The following TRIO variants were observed in gnomAD, a reference collection of about 807,000 sequenced individuals.
The protein encoded by TRIO is triple functional domain protein.
Under a neutral mutation model 351.9 loss-of-function variants are expected in TRIO, and 58 were observed. The observed-to-expected ratio is 0.16, with a 90% CI of 0.13 to 0.21. TRIO has a LOEUF of 0.21. Ranked by LOEUF, TRIO falls within the 10% of genes least tolerant of loss-of-function variation. The pLI is 1.00. For missense variants in TRIO, 3,201 were observed against 4,027.8 expected (o/e 0.79, Z 5.56); for synonymous variants, 1,758 against 1,595.7 (o/e 1.10, Z -2.42).
At chr5:14,480,433 A>G (rs897090124) in intron 43 of TRIO, among the ~76,000 whole-genome samples, 4 of 152,056 alleles carry the variant, frequency 2.6e-5, no homozygotes, top group African/African-American at 9.7e-5. Flanking sequence ...AATGCTAATG[A>G]TTTTTCTTCT....
At chr5:14,318,930 C>A (rs539398993) in intron 9 of TRIO, among the ~76,000 whole-genome samples, 1 of 152,290 alleles carries the variant, frequency 6.6e-6, no homozygotes, top group South Asian at 2.1e-4. Context: ...CCTTTCCCCC[C>A]ACACCCCATT....
intron 20 of TRIO, among the ~76,000 whole-genome samples, chr5:14,380,905 G>A (rs1746045564): frequency 6.6e-6 from 1 of 152,148 alleles, no homozygotes; most frequent in Non-Finnish European, 1.5e-5. Flanking sequence ...TTATTGTTGC[G>A]ACATAAGTGA....
At chr5:14,412,205 C>T (rs1221105388) in intron 33 of TRIO, among the ~76,000 whole-genome samples, 1 of 152,120 alleles carries the variant, frequency 6.6e-6, no homozygotes, top group Non-Finnish European at 1.5e-5. Flanking sequence ...CCAGGCTGGT[C>T]TCGAACTCCT....
intron 1 of TRIO, among the ~76,000 whole-genome samples, chr5:14,208,077 T>A (rs900350000): frequency 3.9e-5 from 6 of 152,238 alleles, no homozygotes; most frequent in African/African-American, 1.4e-4. Flanking sequence ...GGTTGTACAG[T>A]CAGTTTGGAA....
At chr5:14,288,958 G>C (rs941147250) in intron 4 of TRIO, among the ~76,000 whole-genome samples, 1 of 152,096 alleles carries the variant, frequency 6.6e-6, no homozygotes, top group African/African-American at 2.4e-5. Context: ...ATTTCTTGCC[G>C]AGGCCAGGCA....
rs1352351526 is a variant in TRIO at position 14,388,649 on chromosome 5, T to A, written c.3918T>A (p.Ala1306=). The A allele has an allele frequency of 1.9e-6, 3 of 1,613,812 alleles. No homozygotes were observed. Among genetic ancestry groups the A allele is most frequent in the African/African-American group, 1.3e-5 (1 of 74,966 alleles). Residue 1306 remains alanine, a synonymous_variant, in exon 24 of 57, where the codon GCT becomes GCA. Transcript: ENST00000344204. ...IMAELIQTEK[A]YVRDLRECMD... ...CTGAGCTCATTCAAACTGAAAAGGC[T>A]TATGTAAGAGACCTCCGGGAATGTA... is the stretch of plus-strand genomic sequence containing the variant.
chr5:14,481,189 G>C, intron 43 of TRIO, 45 bp from the exon 44 acceptor site: 1 of 1,578,966 alleles, frequency 6.3e-7, no homozygotes, highest in South Asian at 1.2e-5. Context: ...GTCAGCTGCT[G>C]TTGTCTTTGT....
intron 9 of TRIO, among the ~76,000 whole-genome samples, chr5:14,329,496 C>A (rs1258106045): frequency 6.6e-6 from 1 of 152,192 alleles, no homozygotes; most frequent in African/African-American, 2.4e-5. Flanking sequence ...TCACCAGTCA[C>A]TGAGTCTCCT....
chr5:14,300,208 A>T, intron 7 of TRIO, among the ~76,000 whole-genome samples: 1 of 152,232 alleles, frequency 6.6e-6, no homozygotes, highest in Non-Finnish European at 1.5e-5. Flanking sequence ...AGACGCTTTC[A>T]CAGCAGATAC....
At chr5:14,426,845 CTTG>C (rs1284576681) in intron 34 of TRIO, among the ~76,000 whole-genome samples, 2 of 152,128 alleles carry the variant, frequency 1.3e-5, no homozygotes, top group South Asian at 2.1e-4. Context: ...CATTTGTAAT[CTTG>C]TTGTCGAGTT....
At chr5:14,247,066 C>G (rs1359483548) in intron 1 of TRIO, among the ~76,000 whole-genome samples, 1 of 152,246 alleles carries the variant, frequency 6.6e-6, no homozygotes, top group Non-Finnish European at 1.5e-5. Flanking sequence ...CTGTCCACCC[C>G]CCACCTCCCC....
At chr5:14,257,675 T>C (rs1795104076) in intron 1 of TRIO, among the ~76,000 whole-genome samples, 1 of 152,190 alleles carries the variant, frequency 6.6e-6, no homozygotes, top group Non-Finnish European at 1.5e-5. Flanking sequence ...GGAGAAGTTA[T>C]GGAGAAATTA....
At chr5:14,247,456 A>C (rs1238072813) in intron 1 of TRIO, among the ~76,000 whole-genome samples, 1 of 152,272 alleles carries the variant, frequency 6.6e-6, no homozygotes, top group Non-Finnish European at 1.5e-5. Flanking sequence ...GGTAAGATAT[A>C]AAAGTCTTTT....
chr5:14,407,782 G>A (rs762440078), intron 33 of TRIO, among the ~76,000 whole-genome samples: 7 of 152,262 alleles, frequency 4.6e-5, no homozygotes, highest in Non-Finnish European at 1.0e-4. Context: ...GTAGAATTTG[G>A]AATCCTGGGT....
intron 1 of TRIO, among the ~76,000 whole-genome samples, chr5:14,254,046 A>AT (rs138248322): frequency 0.13 from 19,580 of 152,210 alleles, 1,818 homozygotes; most frequent in African/African-American, 0.26. Flanking sequence ...TATTTCAAAA[A>AT]TTCTCTCAGA....
At position 14,286,719 on chromosome 5, in the gene TRIO, G is replaced by A. The variant is rs1022335194; in HGVS notation, c.348-152G>A. On this transcript the variant is annotated intron_variant, in intron 3 of 56. Coordinates refer to ENST00000344204, the MANE Select transcript of TRIO (RefSeq NM_007118.4). This position sits in a 1 kb window ranked among gnomAD's most constrained non-coding sequence, Gnocchi z 4.4. ...TTCCTTTATGGTACAAGGGAGGGAC[G>A]AGAAGGAGCTGAGCACAGTGTGCTC... 1.3e-5 allele frequency: 9 copies of A among 694,478 alleles called. No individual in the cohort carries two copies. The South Asian group carries it at 1.7e-4, about 13-fold the overall frequency. The allele number at this position is 694,478 out of a possible 1,614,324, so 43.0% of individuals were successfully genotyped here.
intron 9 of TRIO, among the ~76,000 whole-genome samples, chr5:14,329,240 G>A (rs1001952923): frequency 1.3e-5 from 2 of 152,218 alleles, no homozygotes; most frequent in Middle Eastern, 3.2e-3. Context: ...TGTCTTTGCT[G>A]TGTGTGCCCA....
Position 14,509,427 on chromosome 5 carries a change from T to C in TRIO, c.*1005T>C. On this transcript the variant is annotated 3_prime_UTR_variant, in exon 57 of 57. Coordinates refer to ENST00000344204, the MANE Select transcript of TRIO (RefSeq NM_007118.4). ...GTGGGTGGGTAGGGTCGTAGCCCTG[T>C]GCCATCGGTTCAAAGAGACTTTTCG... is the stretch of plus-strand genomic sequence containing the variant. 2.1e-6 allele frequency: 1 copy of C among 470,894 alleles called. No homozygotes were observed. The highest frequency in any genetic ancestry group is 1.5e-5 in the South Asian group (1 of 65,552). The allele number at this position is 470,894 out of a possible 1,614,324, so 29.2% of individuals were successfully genotyped here. A position where few individuals can be genotyped will look rare whatever the true frequency, so the allele number is the denominator to read the frequency against.
intron 1 of TRIO, among the ~76,000 whole-genome samples, chr5:14,152,055 A>G (rs1028389521): frequency 7.9e-5 from 12 of 152,224 alleles, no homozygotes; most frequent in Non-Finnish European, 1.6e-4. Flanking sequence ...GGAGTGTTAT[A>G]TATATTTCCA....
Sources: gnomAD v4.1 joint callset for allele counts (sites outside exome capture counted in the v4.1 genomes callset) on GRCh38, gnomAD v4.1.1 for gene constraint, Gnocchi (gnomAD v3.1) non-coding constraint, MANE v1.5 for transcripts, NCBI Gene and HGNC (gene_info 2026-07-23, HGNC 2026-07-21) for gene names.